Variants in TDRD1 observed in about 807,000 individuals in gnomAD.
TDRD1 encodes tudor domain-containing protein 1.
In TDRD1, 37 loss-of-function variants were observed where a neutral mutation model predicts 140.6. The observed-to-expected ratio is 0.26, with a 90% CI of 0.20 to 0.35. TDRD1 has a LOEUF of 0.35. TDRD1 is among the 10% of genes least tolerant of loss of function. The pLI, the probability that TDRD1 is intolerant of heterozygous loss-of-function variation, is 1.00. For missense variants in TDRD1, 1,243 were observed against 1,393.0 expected (o/e 0.89, Z 1.71); for synonymous variants, 506 against 475.7 (o/e 1.06, Z -0.83).
chr10:114,203,972 G>T (rs2034934901), intron 8 of TDRD1, 101 bp from the exon 9 acceptor site: 1 of 1,402,048 alleles, frequency 7.1e-7, no homozygotes, highest in African/African-American at 1.5e-5. Flanking sequence ...CTCAGAACAG[G>T]AGCCTTTCCT....
At chr10:114,213,199 G>T in intron 14 of TDRD1, 147 bp from the exon 15 acceptor site, 1 of 722,144 alleles carries the variant, frequency 1.4e-6, no homozygotes, top group South Asian at 2.1e-5. Flanking sequence ...TGTTAATTAT[G>T]CATTCATTTT....
chr10:114,226,256 ATT>A, intron 22 of TDRD1, 40 bp downstream of exon 22: 3 of 1,382,834 alleles, frequency 2.2e-6, no homozygotes, highest in Non-Finnish European at 2.0e-6. Context: ...GTTTCTGGGT[ATT>A]TTTTTTTTCC....
chr10:114,187,228 T>C (rs1437461176), intron 1 of TDRD1, among the ~76,000 whole-genome samples: 13 of 152,116 alleles, frequency 8.5e-5, no homozygotes, highest in Admixed American at 8.5e-4. Context: ...TAAATTACAA[T>C]TTGTGGAAGT....
intron 25 of TDRD1, among the ~76,000 whole-genome samples, chr10:114,230,588 C>T (rs549754886): frequency 6.6e-6 from 1 of 152,240 alleles, no homozygotes; most frequent in South Asian, 2.1e-4. Context: ...TGTCAACTTC[C>T]CTGAGCTGCT....
chr10:114,210,691 G>A, exon 12 of TDRD1: 2 of 1,613,034 alleles, frequency 1.2e-6, no homozygotes, highest in Non-Finnish European at 1.7e-6. Context: ...GTTTTGTGGT[G>A]TGGTTGCCCA....
chr10:114,191,150 T>C (rs2033932957), intron 3 of TDRD1, 131 bp downstream of exon 3: 1 of 1,022,350 alleles, frequency 9.8e-7, no homozygotes, highest in Middle Eastern at 3.1e-4. Flanking sequence ...TGTACATTTT[T>C]AAAAAAAGAA....
chr10:114,185,620 T>C (rs921322610), intron 1 of TDRD1, among the ~76,000 whole-genome samples: 1 of 152,138 alleles, frequency 6.6e-6, no homozygotes, highest in Admixed American at 6.5e-5. Context: ...GGAGTTTTGC[T>C]CTTGTTGCCC....
intron 18 of TDRD1, 25 bp downstream of exon 18, chr10:114,218,609 C>T: frequency 6.6e-7 from 1 of 1,515,844 alleles, no homozygotes; most frequent in Non-Finnish European, 9.0e-7. Flanking sequence ...AAGAAACTTT[C>T]TCAACTTTCT....
At chr10:114,207,289 A>G (rs2035186627) in intron 11 of TDRD1, among the ~76,000 whole-genome samples, 1 of 152,236 alleles carries the variant, frequency 6.6e-6, no homozygotes, top group Non-Finnish European at 1.5e-5. Flanking sequence ...GCACACTGGA[A>G]TCATCCTTAA....
intron 11 of TDRD1, among the ~76,000 whole-genome samples, chr10:114,209,988 CT>C (rs1157172611): frequency 6.6e-6 from 1 of 152,122 alleles, no homozygotes; most frequent in Non-Finnish European, 1.5e-5. Context: ...AAACCATGTA[CT>C]TTTTTCATTT....
exon 7 of TDRD1, chr10:114,203,149 A>G (rs572688372): frequency 8.7e-6 from 14 of 1,613,044 alleles, no homozygotes; most frequent in East Asian, 2.2e-5. Flanking sequence ...TGAGAAGTCT[A>G]CAACTCAAGA....
At chr10:114,227,986 T>C in intron 24 of TDRD1, 30 bp downstream of exon 24, 1 of 1,612,900 alleles carries the variant, frequency 6.2e-7, no homozygotes, top group Middle Eastern at 1.7e-4. Flanking sequence ...AGTGAAATTA[T>C]ACTCCTAACG....
chr10:114,212,138 C>A, intron 14 of TDRD1, 102 bp downstream of exon 14: 1 of 1,050,230 alleles, frequency 9.5e-7, no homozygotes, highest in Non-Finnish European at 1.3e-6. Flanking sequence ...AAAACAACAT[C>A]ATGATCAGAT....
upstream of TDRD1, among the ~76,000 whole-genome samples, chr10:114,179,117 G>A (rs2032807095): frequency 6.6e-6 from 1 of 152,254 alleles, no homozygotes; most frequent in African/African-American, 2.4e-5. Context: ...GGCGTTGCCA[G>A]AGACATCTTT....
At chr10:114,215,293 G>A (rs1190165998) in intron 16 of TDRD1, among the ~76,000 whole-genome samples, 1 of 152,104 alleles carries the variant, frequency 6.6e-6, no homozygotes, top group East Asian at 1.9e-4. Context: ...TTGTATTGCA[G>A]TTTCTTTCTA....
chr10:114,203,782 AGCCTGATG>A (rs2034921426), intron 8 of TDRD1, among the ~76,000 whole-genome samples: 1 of 152,208 alleles, frequency 6.6e-6, no homozygotes, highest in Non-Finnish European at 1.5e-5. Flanking sequence ...TGCTAGTTGT[AGCCTGATG>A]GCTAGTCTTA....
exon 12 of TDRD1, chr10:114,210,720 C>T: frequency 6.2e-7 from 1 of 1,611,102 alleles, no homozygotes; most frequent in Non-Finnish European, 8.5e-7. Flanking sequence ...CACCAGAAGA[C>T]TTCTTTTGTC....
At chr10:114,231,360 G>T in intron 25 of TDRD1, 1 of 762,344 alleles carries the variant, frequency 1.3e-6, no homozygotes, top group East Asian at 2.7e-5. Flanking sequence ...TAACTGACAG[G>T]TCTGGCTTAA....
chr10:114,199,079 T>G, intron 3 of TDRD1, 94 bp from the exon 4 acceptor site: 1 of 1,342,432 alleles, frequency 7.4e-7, no homozygotes. Context: ...GAAAAGTACA[T>G]CTACTTGATC....
Sources: gnomAD v4.1 joint callset for allele counts (sites outside exome capture counted in the v4.1 genomes callset) on GRCh38, gnomAD v4.1.1 for gene constraint, MANE v1.5 for transcripts, NCBI Gene and HGNC (gene_info 2026-07-23, HGNC 2026-07-21) for gene names.